GRM3: variants seen among roughly 807,000 people sequenced by gnomAD.
The protein encoded by GRM3 is metabotropic glutamate receptor 3.
GRM3 carries 26 observed loss-of-function variants against 70.5 expected under a neutral mutation model. The observed-to-expected ratio is 0.37, with a 90% CI of 0.27 to 0.51. The LOEUF (loss-of-function observed/expected upper bound fraction) is 0.51, where lower values mean the gene tolerates loss of function less well. Ranked by LOEUF, GRM3 falls within the 20% of genes least tolerant of loss-of-function variation. The pLI, the probability that GRM3 is intolerant of heterozygous loss-of-function variation, is 0.93. For missense variants in GRM3, 859 were observed against 1,123.8 expected, an observed-to-expected ratio of 0.76 and a Z score of 3.37; for synonymous variants, 443 against 434.9, an observed-to-expected ratio of 1.02 and a Z score of -0.23.
chr7:86,837,919 T>C (rs1798489109), intron 3 of GRM3, among the ~76,000 whole-genome samples: 1 of 152,160 alleles, frequency 6.6e-6, no homozygotes, highest in African/African-American at 2.4e-5. Context: ...AAGCACACAG[T>C]AGTAGAACAG....
At chr7:86,752,261 C>A (rs552455888) in intron 1 of GRM3, among the ~76,000 whole-genome samples, 1 of 152,084 alleles carries the variant, frequency 6.6e-6, no homozygotes, top group Non-Finnish European at 1.5e-5. Context: ...TAAATGGATT[C>A]ATGCAATACG....
chr7:86,743,018 T>A (rs1002205150), intron 1 of GRM3, among the ~76,000 whole-genome samples: 9 of 152,138 alleles, frequency 5.9e-5, no homozygotes, highest in Admixed American at 2.0e-4. Flanking sequence ...ATTAAATAAC[T>A]TCCTCAAAGT....
rs75444013 is a variant in GRM3 at position 86,697,067 on chromosome 7, G to A, written c.-141+52195G>A. ...AGAGAAAGAATGCTTTGACTTATAG[G>A]TATGTGTTAAAAGAAAATAAAGCTA... On this transcript the variant is annotated intron_variant, in intron 1 of 5. Coordinates refer to ENST00000361669, the MANE Select transcript of GRM3 (RefSeq NM_000840.3). Among the ~76,000 whole-genome samples the A allele has an allele frequency of 2.1e-3, 317 of 152,170 alleles. 1 individual carries two copies. The highest frequency in any genetic ancestry group is 7.4e-3 in the African/African-American group (309 of 41,514).
intron 1 of GRM3, among the ~76,000 whole-genome samples, chr7:86,694,161 A>C (rs1794756585): frequency 6.6e-6 from 1 of 152,188 alleles, no homozygotes; most frequent in African/African-American, 2.4e-5. Context: ...TTTGAAAATA[A>C]GAATGGGAAA....
At chr7:86,864,169 A>G (rs1799016268) in intron 5 of GRM3, 113 bp from the exon 6 acceptor site, 2 of 701,282 alleles carry the variant, frequency 2.9e-6, no homozygotes, top group Admixed American at 1.9e-5. Context: ...TTTATCCCTC[A>G]CCTCCTTCCC....
chr7:86,661,210 T>G (rs1047354139), intron 1 of GRM3, among the ~76,000 whole-genome samples: 1 of 151,994 alleles, frequency 6.6e-6, no homozygotes, highest in African/African-American at 2.4e-5. Context: ...TCTTAGTAAC[T>G]AGATTTGCTT....
intron 3 of GRM3, among the ~76,000 whole-genome samples, chr7:86,788,565 T>C (rs1040973792): frequency 1.3e-5 from 2 of 152,084 alleles, no homozygotes; most frequent in Non-Finnish European, 2.9e-5. Context: ...CATATAGCAA[T>C]AACAAAAATA....
intron 2 of GRM3, among the ~76,000 whole-genome samples, chr7:86,767,513 TCATA>T (rs1562854512): frequency 1.2e-5 from 1 of 86,316 alleles, no homozygotes; most frequent in Non-Finnish European, 2.3e-5. Flanking sequence ...CGGTCATACT[TCATA>T]TATATATATA....
chr7:86,798,867 G>T (rs1797616776), intron 3 of GRM3, among the ~76,000 whole-genome samples: 1 of 139,882 alleles, frequency 7.1e-6, no homozygotes, highest in Non-Finnish European at 1.6e-5. Context: ...ATAAAGGAGA[G>T]TTCCCCTCTT....
intron 1 of GRM3, among the ~76,000 whole-genome samples, chr7:86,698,692 T>A (rs78075280): frequency 0.075 from 11,330 of 151,894 alleles, 580 homozygotes; most frequent in South Asian, 0.15. Flanking sequence ...GTGGTGAATG[T>A]CTGCTGAGAT....
chr7:86,814,068 A>G (rs1797966413), intron 3 of GRM3, among the ~76,000 whole-genome samples: 1 of 151,722 alleles, frequency 6.6e-6, no homozygotes, highest in South Asian at 2.1e-4. Flanking sequence ...ATCTATAAGC[A>G]CGATCAGAAG....
intron 1 of GRM3, among the ~76,000 whole-genome samples, chr7:86,725,766 T>G (rs1420023384): frequency 1.3e-5 from 2 of 152,142 alleles, no homozygotes; most frequent in Non-Finnish European, 2.9e-5. Context: ...TTCTCATGCT[T>G]CTGAAGACTG....
intron 4 of GRM3, among the ~76,000 whole-genome samples, chr7:86,848,101 T>A (rs971884211): frequency 6.6e-6 from 1 of 152,182 alleles, no homozygotes; most frequent in Non-Finnish European, 1.5e-5. Flanking sequence ...AGAAAAAACA[T>A]CCATGACCTT....
At chr7:86,745,224 T>C (rs1796075430) in intron 1 of GRM3, among the ~76,000 whole-genome samples, 2 of 152,094 alleles carry the variant, frequency 1.3e-5, no homozygotes, top group Non-Finnish European at 2.9e-5. Context: ...CCTGTTTGAC[T>C]TGGCACATGT....
intron 3 of GRM3, among the ~76,000 whole-genome samples, chr7:86,834,585 ATT>A (rs67542488): frequency 0.064 from 8,607 of 134,290 alleles, 808 homozygotes; most frequent in African/African-American, 0.22. Context: ...TGCTTTCTCC[ATT>A]TTTTTTTTTT....
intron 1 of GRM3, among the ~76,000 whole-genome samples, chr7:86,670,175 T>C (rs1182053378): frequency 6.6e-6 from 1 of 152,236 alleles, no homozygotes; most frequent in Non-Finnish European, 1.5e-5. Context: ...TATTTTAAAC[T>C]AAGGCCTACA....
chr7:86,820,452 C>T (rs1798097321), intron 3 of GRM3, among the ~76,000 whole-genome samples: 2 of 152,040 alleles, frequency 1.3e-5, no homozygotes, highest in African/African-American at 4.8e-5. Flanking sequence ...CAAATAAATG[C>T]AGCAGGTAGT....
At chr7:86,811,696 A>AT (rs879657168) in intron 3 of GRM3, among the ~76,000 whole-genome samples, 1 of 151,958 alleles carries the variant, frequency 6.6e-6, no homozygotes, top group East Asian at 1.9e-4. Flanking sequence ...CTTGAAATCT[A>AT]TTTTTTAAAG....
At chr7:86,797,021 C>T (rs1028836126) in intron 3 of GRM3, among the ~76,000 whole-genome samples, 1 of 152,192 alleles carries the variant, frequency 6.6e-6, no homozygotes, top group Admixed American at 6.5e-5. Context: ...TGTGAGGCTG[C>T]CCCAGCCATG....
Sources: gnomAD v4.1 joint callset for allele counts (sites outside exome capture counted in the v4.1 genomes callset) on GRCh38, gnomAD v4.1.1 for gene constraint, MANE v1.5 for transcripts, NCBI Gene and HGNC (gene_info 2026-07-23, HGNC 2026-07-21) for gene names.